AUH: variants seen among roughly 807,000 people sequenced by gnomAD.
AUH encodes methylglutaconyl-CoA hydratase, mitochondrial.
In AUH, 29 loss-of-function variants were observed where a neutral mutation model predicts 42.3. The ratio of observed to expected loss-of-function variants is 0.69; its 90% CI spans 0.51 to 0.93. The LOEUF is 0.93. Ranked by LOEUF, AUH falls within the 40% of genes least tolerant of loss-of-function variation. The pLI is 0.00. For synonymous variants in AUH, 174 were observed against 166.4 expected (o/e 1.05, Z -0.35); for missense variants, 452 against 438.1 (o/e 1.03, Z -0.28).
At chr9:91,306,228 A>G in intron 4 of AUH, 2 of 434,978 alleles carry the variant, frequency 4.6e-6, no homozygotes, top group Non-Finnish European at 6.1e-6. Context: ...TCCTACCAAA[A>G]TTCCAAATCA....
intron 6 of AUH, among the ~76,000 whole-genome samples, chr9:91,280,248 AG>A (rs1303679103): frequency 2.0e-5 from 3 of 152,226 alleles, no homozygotes; most frequent in African/African-American, 7.2e-5. Context: ...TCTGAGAAAA[AG>A]GTAGGTCTTT....
chr9:91,360,958 T>C (rs1013620990), intron 1 of AUH, among the ~76,000 whole-genome samples: 3 of 152,166 alleles, frequency 2.0e-5, no homozygotes, highest in African/African-American at 7.2e-5. Context: ...TTCCCTAGGA[T>C]TGTCAGCCTC....
At chr9:91,340,055 T>C (rs754505976) in intron 3 of AUH, among the ~76,000 whole-genome samples, 2 of 152,054 alleles carry the variant, frequency 1.3e-5, no homozygotes, top group Admixed American at 1.3e-4. Flanking sequence ...TCCCAATTCA[T>C]AGAAAATTAC....
intron 6 of AUH, among the ~76,000 whole-genome samples, chr9:91,225,916 T>C (rs1442025470): frequency 1.3e-5 from 2 of 151,428 alleles, no homozygotes; most frequent in African/African-American, 2.4e-5. Context: ...TTCCATGGTG[T>C]ATATGTGCCA....
intron 6 of AUH, among the ~76,000 whole-genome samples, chr9:91,246,079 A>T (rs544547312): frequency 4.6e-5 from 7 of 151,212 alleles, no homozygotes; most frequent in South Asian, 2.1e-4. Flanking sequence ...GGGAAAAGAT[A>T]TTTACAAAGC....
At chr9:91,267,255 TACAG>T (rs1830024925) in intron 6 of AUH, among the ~76,000 whole-genome samples, 1 of 152,114 alleles carries the variant, frequency 6.6e-6, no homozygotes, top group Non-Finnish European at 1.5e-5. Context: ...AACTTTGCAA[TACAG>T]ATACTATCAT....
At chr9:91,356,326 T>G (rs1397251955) in intron 1 of AUH, among the ~76,000 whole-genome samples, 171 bp from the exon 2 acceptor site, 1 of 152,224 alleles carries the variant, frequency 6.6e-6, no homozygotes, top group Non-Finnish European at 1.5e-5. Context: ...TGCAACATTT[T>G]GGTAAATTTT....
chr9:91,217,072 G>T (rs1402366820), intron 8 of AUH, among the ~76,000 whole-genome samples: 1 of 152,166 alleles, frequency 6.6e-6, no homozygotes, highest in Admixed American at 6.5e-5. Context: ...ACTGAATTCT[G>T]TGCTTGTGAT....
chr9:91,228,624 T>G (rs1475819537), intron 6 of AUH, among the ~76,000 whole-genome samples: 3 of 145,538 alleles, frequency 2.1e-5, no homozygotes, highest in African/African-American at 7.7e-5. Flanking sequence ...CTTGCTTTTC[T>G]AGTTCTTTTA....
intron 5 of AUH, among the ~76,000 whole-genome samples, chr9:91,297,236 C>T (rs1425569411): frequency 4.6e-5 from 7 of 152,170 alleles, no homozygotes; most frequent in African/African-American, 1.7e-4. Flanking sequence ...CCTCCAGTGC[C>T]CCAAAGTACC....
At chr9:91,342,883 C>T (rs564892612) in intron 3 of AUH, 1 of 152,556 alleles carries the variant, frequency 6.6e-6, no homozygotes, top group South Asian at 2.1e-4. Flanking sequence ...GACAACCCCT[C>T]CTCTTTCTCC....
intron 6 of AUH, among the ~76,000 whole-genome samples, chr9:91,227,021 A>T (rs2131262080): frequency 6.6e-6 from 1 of 151,974 alleles, no homozygotes; most frequent in South Asian, 2.1e-4. Flanking sequence ...CTTAGGAATG[A>T]CTTGGCAATG....
chr9:91,245,778 G>A (rs62565785), intron 6 of AUH, among the ~76,000 whole-genome samples: 1 of 152,160 alleles, frequency 6.6e-6, no homozygotes, highest in Non-Finnish European at 1.5e-5. Context: ...GTAGGGCCTG[G>A]AGCCAGGATG....
At chr9:91,296,950 C>G (rs1587801936) in intron 5 of AUH, among the ~76,000 whole-genome samples, 1 of 152,256 alleles carries the variant, frequency 6.6e-6, no homozygotes, top group East Asian at 1.9e-4. Context: ...CTTGGCAGCT[C>G]TGCTTTTAAC....
chr9:91,252,056 T>C (rs866549807), intron 6 of AUH, among the ~76,000 whole-genome samples: 10 of 152,098 alleles, frequency 6.6e-5, no homozygotes, highest in African/African-American at 2.4e-4. Flanking sequence ...AACCTCCACC[T>C]CCCCGGTTCA....
At chr9:91,333,367 T>C (rs984335541) in intron 3 of AUH, among the ~76,000 whole-genome samples, 3 of 152,238 alleles carry the variant, frequency 2.0e-5, no homozygotes, top group Non-Finnish European at 2.9e-5. Flanking sequence ...AAAATGTGTA[T>C]GCAAATTAAA....
intron 3 of AUH, among the ~76,000 whole-genome samples, chr9:91,341,623 C>G (rs1263002212): frequency 6.6e-6 from 1 of 152,226 alleles, no homozygotes; most frequent in Non-Finnish European, 1.5e-5. Context: ...GCCAATGTTA[C>G]TTCCTCAACA....
chr9:91,317,541 T>C (rs1587846100), intron 4 of AUH, among the ~76,000 whole-genome samples: 1 of 152,230 alleles, frequency 6.6e-6, no homozygotes, highest in East Asian at 1.9e-4. Context: ...GCAACACTCT[T>C]ATTTCTAATA....
chr9:91,361,581 C>T, intron 1 of AUH, 47 bp downstream of exon 1: 1 of 1,551,686 alleles, frequency 6.4e-7, no homozygotes, highest in Non-Finnish European at 8.7e-7. Flanking sequence ...GTCCTGAGAG[C>T]GAGCGGCCGC....
Sources: allele counts gnomAD v4.1 joint callset (sites outside exome capture counted in the v4.1 genomes callset), GRCh38; gene constraint gnomAD v4.1.1; transcripts MANE v1.5; gene names NCBI Gene and HGNC (gene_info 2026-07-23, HGNC 2026-07-21).